SLC30A9: variants seen among roughly 807,000 people sequenced by gnomAD.
SLC30A9 encodes the protein solute carrier family 30 member 9, also known as proton-coupled zinc antiporter SLC30A9, mitochondrial.
A neutral mutation model predicts 87.5 loss-of-function variants in SLC30A9; 58 were observed. The ratio of observed to expected loss-of-function variants is 0.66; its 90% CI spans 0.54 to 0.82. The LOEUF is 0.82. Ranked by LOEUF, SLC30A9 falls within the 40% of genes least tolerant of loss-of-function variation. SLC30A9 has a pLI of 0.00. For missense variants in SLC30A9, 557 were observed against 679.1 expected, an observed-to-expected ratio of 0.82 and a Z score of 2.00; for synonymous variants, 234 against 233.0, an observed-to-expected ratio of 1.00 and a Z score of -0.04.
chr4:42,019,951 A>G (rs1378323545), intron 3 of SLC30A9, among the ~76,000 whole-genome samples: 2 of 151,484 alleles, frequency 1.3e-5, no homozygotes, highest in Non-Finnish European at 2.9e-5. Flanking sequence ...CCACCACCAC[A>G]CCTGGCCAAT....
intron 8 of SLC30A9, among the ~76,000 whole-genome samples, chr4:42,042,270 A>T (rs1288426047): frequency 1.3e-5 from 2 of 152,174 alleles, no homozygotes; most frequent in Non-Finnish European, 2.9e-5. Flanking sequence ...AGCTCAGCAG[A>T]TCCCACCTCC....
At chr4:42,077,815 T>A (rs1326236022) in intron 16 of SLC30A9, among the ~76,000 whole-genome samples, 1 of 152,100 alleles carries the variant, frequency 6.6e-6, no homozygotes, top group Non-Finnish European at 1.5e-5. Context: ...GCATGAAAAA[T>A]CCTTCCATAT....
Position 42,023,530 on chromosome 4 carries a change from A to G in SLC30A9, c.610+146A>G, listed in dbSNP as rs1716063074. 1.4e-5 allele frequency: 8 copies of G among 578,404 alleles called. No individual in the cohort carries two copies. The East Asian group carries it at 1.7e-4, about 12-fold the overall frequency. The allele number at this position is 578,404 out of a possible 1,614,324, so 35.8% of individuals were successfully genotyped here. ...ATGCTAGTTTCCGTTTTGGGATTCA[A>G]TTATTTCACAAAAACAGGAACTGTA... On this transcript the variant is annotated intron_variant, in intron 6 of 17. Coordinates refer to ENST00000264451, the MANE Select transcript of SLC30A9 (RefSeq NM_006345.4).
At chr4:42,022,420 C>CG (rs1296151851) in intron 4 of SLC30A9, among the ~76,000 whole-genome samples, 1 of 151,366 alleles carries the variant, frequency 6.6e-6, no homozygotes, top group African/African-American at 2.4e-5. Flanking sequence ...TTAGTAGAGA[C>CG]GGGGTTTCAC....
chr4:42,051,158 C>G (rs187870373), intron 9 of SLC30A9, among the ~76,000 whole-genome samples: 245 of 152,206 alleles, frequency 1.6e-3, no homozygotes, highest in African/African-American at 5.6e-3. Context: ...CATTGATTAT[C>G]GAGGCCAATG....
At chr4:42,046,896 A>G (rs1013317940) in intron 8 of SLC30A9, among the ~76,000 whole-genome samples, 4 of 152,180 alleles carry the variant, frequency 2.6e-5, no homozygotes, top group African/African-American at 4.8e-5. Flanking sequence ...ATATAGACCA[A>G]TGTAACAGAA....
intron 4 of SLC30A9, among the ~76,000 whole-genome samples, chr4:42,021,745 GT>G (rs774067446): frequency 6.6e-6 from 1 of 150,610 alleles, no homozygotes; most frequent in South Asian, 2.1e-4. Flanking sequence ...TCTTCTTTTC[GT>G]TTTTTTTGTT....
intron 1 of SLC30A9, among the ~76,000 whole-genome samples, chr4:41,993,928 A>G (rs60210403): frequency 0.048 from 7,342 of 152,164 alleles, 250 homozygotes; most frequent in African/African-American, 0.077. Flanking sequence ...AGGCCGAGGT[A>G]GGGGGATCAC....
intron 10 of SLC30A9, among the ~76,000 whole-genome samples, chr4:42,060,614 A>G (rs1250838682): frequency 2.0e-5 from 3 of 152,192 alleles, no homozygotes; most frequent in Non-Finnish European, 2.9e-5. Context: ...GATAACTTCT[A>G]TTAGATACAC....
chr4:42,026,725 C>A (rs79403461), intron 6 of SLC30A9, among the ~76,000 whole-genome samples: 1 of 25,152 alleles, frequency 4.0e-5, no homozygotes, highest in East Asian at 0.029. Flanking sequence ...TTTTTTTTTT[C>A]TTTTCATCTT....
chr4:42,000,701 A>C (rs1167165584), intron 1 of SLC30A9, among the ~76,000 whole-genome samples: 3 of 152,086 alleles, frequency 2.0e-5, no homozygotes, highest in African/African-American at 7.2e-5. Flanking sequence ...TTCTTTCAGA[A>C]TGCATATATC....
At chr4:42,068,237 A>T (rs909357394) in intron 14 of SLC30A9, among the ~76,000 whole-genome samples, 2 of 139,158 alleles carry the variant, frequency 1.4e-5, no homozygotes, top group African/African-American at 2.5e-5. Flanking sequence ...TGCCATAGGA[A>T]CTTAACTCTT....
At chr4:41,999,869 TGTTATG>T (rs1271669827) in intron 1 of SLC30A9, among the ~76,000 whole-genome samples, 1 of 151,850 alleles carries the variant, frequency 6.6e-6, no homozygotes, top group East Asian at 1.9e-4. Flanking sequence ...CTGGTAATGG[TGTTATG>T]GTTGTGTTAA....
intron 7 of SLC30A9, among the ~76,000 whole-genome samples, chr4:42,037,471 G>C (rs543610477): frequency 2.0e-5 from 3 of 151,606 alleles, no homozygotes; most frequent in East Asian, 3.9e-4. Context: ...TCTTGATATA[G>C]TACTTCAGAG....
At chr4:42,037,655 T>A (rs1716746185) in intron 7 of SLC30A9, among the ~76,000 whole-genome samples, 1 of 152,228 alleles carries the variant, frequency 6.6e-6, no homozygotes. Flanking sequence ...TTATTGTGAA[T>A]GTTCTCAAAG....
chr4:41,993,191 T>G (rs1474501979), intron 1 of SLC30A9, among the ~76,000 whole-genome samples: 1 of 150,462 alleles, frequency 6.6e-6, no homozygotes, highest in Non-Finnish European at 1.5e-5. Flanking sequence ...TAATAAAATA[T>G]ATAAAATTTA....
At chr4:42,046,335 C>T (rs1194784797) in intron 8 of SLC30A9, among the ~76,000 whole-genome samples, 3 of 152,104 alleles carry the variant, frequency 2.0e-5, no homozygotes, top group Admixed American at 2.0e-4. Context: ...TTTAGAAAAC[C>T]CCATAATCTC....
Position 42,075,787 on chromosome 4 carries a change from G to A in SLC30A9, c.1548+1G>A. 3 of 1,608,246 alleles carry A rather than the reference G, an allele frequency of 1.9e-6. No homozygotes were observed. Among genetic ancestry groups the A allele is most frequent in the Non-Finnish European group, 2.6e-6 (3 of 1,175,896 alleles). On this transcript the variant is annotated splice_donor_variant, in intron 16 of 17. Transcript: ENST00000264451. LOFTEE classifies it high-confidence loss of function. ...ACAAGATTTTGACCAAATGTTACAA[G>A]TAAGTTTATTTGTTGTTTTCTTACA...
Position 42,039,005 on chromosome 4 carries a change from C to T in SLC30A9, c.689C>T (p.Ser230Leu), listed in dbSNP as rs1716806033. 6.2e-7 allele frequency: 1 copy of T among 1,613,676 alleles called. No individual in the cohort carries two copies. The highest frequency in any genetic ancestry group is 1.7e-5 in the Admixed American group (1 of 60,018). Residue 230 changes from serine (S) to leucine (L), a missense_variant, in exon 8 of 18, where the codon TCA (serine) becomes TTA (leucine). Transcript: ENST00000264451. ...GNTKPRSRTASVFFKGPGKVV... is the reference protein window; with the variant it reads ...GNTKPRSRTALVFFKGPGKVV... ...TTACAGCCACGCTCCAGAACAGCAT[C>T]AGTGTTTTTTAAGGGACCAGGAAAA...
Sources: gnomAD v4.1 joint callset for allele counts (sites outside exome capture counted in the v4.1 genomes callset) on GRCh38, gnomAD v4.1.1 for gene constraint, MANE v1.5 for transcripts, NCBI Gene and HGNC (gene_info 2026-07-23, HGNC 2026-07-21) for gene names.